The following ICAM1 variants were observed in gnomAD, a reference collection of about 807,000 sequenced individuals.
ICAM1 encodes ICAM-1.
Under a neutral mutation model 42.3 loss-of-function variants are expected in ICAM1, and 28 were observed. The observed-to-expected ratio is 0.66, with a 90% CI of 0.49 to 0.91. The LOEUF is 0.91. Among genes scored for constraint, ICAM1 ranks in the 40% least tolerant of loss-of-function variants. ICAM1 has a pLI of 0.00. For missense variants in ICAM1, 637 were observed against 688.6 expected (o/e 0.93, Z 0.84); for synonymous variants, 304 against 305.9 (o/e 0.99, Z 0.07).
rs750681772 is a variant in ICAM1, at chr19:10,284,133, G to C, written c.738G>C (p.Ser246=). Residue 246 remains serine (S), a synonymous_variant, in exon 4 of 7, where the codon TCG becomes TCC. Coordinates refer to ENST00000264832, the MANE Select transcript of ICAM1 (RefSeq NM_000201.3). The surrounding 1 kb of genome is among the most constrained non-coding windows in gnomAD (Gnocchi z 5.4). The part of the protein sequence containing the change: ...VCSLDGLFPV[S]EAQVHLALGD... ...CCCTGGACGGGCTGTTCCCAGTCTC[G>C]GAGGCCCAGGTCCACCTGGCACTGG... 1 of 1,614,066 alleles carries C rather than the reference G, an allele frequency of 6.2e-7. No individual in the cohort carries two copies. Among genetic ancestry groups the C allele is most frequent in the East Asian group, 2.2e-5 (1 of 44,878 alleles).
Position 10,285,285 on chromosome 19 carries a change from T to C in ICAM1, c.1597T>C (p.Ter533ArgextTer70). ...ACCGAACACACAAGCCACGCCTCCC[T>C]GAACCTATCCCGGGACAGGGCCTCT... ...MKPNTQATPP[*>R] The change falls in exon 7 of 7, where the codon TGA becomes CGA. Residue 533 changes from the stop codon to arginine (R), a stop_lost. Transcript: ENST00000264832. 1.2e-6 allele frequency: 2 copies of C among 1,613,560 alleles called. No individual in the cohort carries two copies.
At position 10,276,024 on chromosome 19, in the gene ICAM1, C is replaced by T. The variant is rs192905975; in HGVS notation, c.331+996C>T. 4.0e-3 allele frequency among the ~76,000 whole-genome samples: 603 copies of T among 150,242 alleles called. 5 individuals carry two copies. Among genetic ancestry groups the T allele is most frequent in the African/African-American group, 0.014 (572 of 40,996 alleles). Reference sequence around the variant, plus strand: ...TGCCCATCCAAGACCCTGTTTCTACCGGAAAAAAAAAGTAAATAATTTAGC... The same window carrying T: ...TGCCCATCCAAGACCCTGTTTCTACTGGAAAAAAAAAGTAAATAATTTAGC... On this transcript the variant is annotated intron_variant, in intron 2 of 6. Transcript: ENST00000264832.
In ICAM1 at chr19:10,285,216, A is replaced by G. The variant is rs771141539; in HGVS notation, c.1528A>G (p.Lys510Glu). The G allele has an allele frequency of 3.1e-6, 5 of 1,614,182 alleles. No individual in the cohort carries two copies. The South Asian group carries it at 4.4e-5, about 14-fold the overall frequency. ...TYLYNRQRKI[K>E]KYRLQQAQKG... Reference sequence around the variant, plus strand: ...CCTCTATAACCGCCAGCGGAAGATCAAGAAATACAGACTACAACAGGCCCA... The same window carrying G: ...CCTCTATAACCGCCAGCGGAAGATCGAGAAATACAGACTACAACAGGCCCA... Residue 510 changes from lysine to glutamate, a missense_variant, in exon 7 of 7, where the codon AAG becomes GAG. Transcript: ENST00000264832.
intron 2 of ICAM1, among the ~76,000 whole-genome samples, chr19:10,281,460 T>G (rs1203056669): frequency 2.6e-5 from 4 of 152,060 alleles, no homozygotes; most frequent in East Asian, 3.9e-4. Context: ...ACCATAAGAT[T>G]CATCCCTTTT....
rs1371251341 is a variant in ICAM1 at position 10,274,921 on chromosome 19, A to T, written c.224A>T (p.Asn75Ile). Residue 75 changes from asparagine to isoleucine, a missense_variant, in exon 2 of 7, where the codon AAC becomes ATC. Coordinates refer to ENST00000264832, the MANE Select transcript of ICAM1 (RefSeq NM_000201.3). ...AAGGAGTTGCTCCTGCCTGGGAACA[A>T]CCGGAAGGTGTATGAACTGAGCAAT... ...PKKELLLPGN[N>I]RKVYELSNVQ... is the part of the protein sequence containing the mutation. 1 of 1,614,128 alleles carries T rather than the reference A, an allele frequency of 6.2e-7. No homozygotes were observed. Among genetic ancestry groups the T allele is most frequent in the South Asian group, 1.1e-5 (1 of 91,094 alleles).
Position 10,284,038 on chromosome 19 carries a change from C to G in ICAM1, c.643C>G (p.Pro215Ala). 2 of 1,612,752 alleles carry G rather than the reference C, an allele frequency of 1.2e-6. No individual in the cohort carries two copies. Among genetic ancestry groups the G allele is most frequent in the Non-Finnish European group, 1.7e-6 (2 of 1,179,022 alleles). The stretch of plus-strand genomic sequence containing the variant: ...CACCTTTCTTCTCTCCCTAGTCCTG[C>G]CAGCGACTCCCCCACAACTTGTCAG... The part of the protein sequence containing the change: ...APYQLQTFVL[P>A]ATPPQLVSPR... The change falls in exon 4 of 7, where the codon CCA becomes GCA. Residue 215 changes from proline to alanine, a missense_variant. Transcript: ENST00000264832. This position sits in a 1 kb window ranked among gnomAD's most constrained non-coding sequence, Gnocchi z 5.4.
intron 2 of ICAM1, among the ~76,000 whole-genome samples, chr19:10,278,548 C>CTTTGTT (rs2040032389): frequency 4.8e-5 from 2 of 41,746 alleles, no homozygotes; most frequent in Non-Finnish European, 8.4e-5. Context: ...CCTGATAGGT[C>CTTTGTT]TTTTTTTTTT....
rs558151803 is a variant in ICAM1, at chr19:10,277,802, G to A, written c.331+2774G>A. Among the ~76,000 whole-genome samples, 82 of 152,276 alleles carry A rather than the reference G, an allele frequency of 5.4e-4. 1 individual carries two copies. The highest frequency in any genetic ancestry group is 1.9e-3 in the African/African-American group (77 of 41,558). On this transcript the variant is annotated intron_variant, in intron 2 of 6. Transcript: ENST00000264832. ...CCCCCAGCCGAGAATTTCTCTTTGC[G>A]TCCTTCCTACTTTGGGGACTTCGAA...
chr19:10,272,560 C>CTTTTTTTT (rs1174775027), intron 1 of ICAM1, among the ~76,000 whole-genome samples: 23 of 56,128 alleles, frequency 4.1e-4, no homozygotes, highest in African/African-American at 8.3e-4. Flanking sequence ...CTTTTCTTTT[C>CTTTTTTTT]TTTTTTTTTT....
chr19:10,278,555 TTTTTTTTTTTTTTTTTC>T lies in ICAM1; in HGVS notation c.331+3536_331+3552del, dbSNP rs1238454314. 2.9e-4 allele frequency among the ~76,000 whole-genome samples: 25 copies of T among 85,876 alleles called. No homozygotes were observed. The East Asian group carries it at 6.1e-3, about 21-fold the overall frequency. 56.3% of individuals were successfully genotyped at this position (85,876 alleles called of 152,430 possible). On this transcript the variant is annotated intron_variant, in intron 2 of 6. Coordinates refer to ENST00000264832, the MANE Select transcript of ICAM1 (RefSeq NM_000201.3). The stretch of plus-strand genomic sequence containing the variant: ...CATCTCTGCCTGATAGGTCTTTTTT[TTTTTTTTTTTTTTTTTC>T]TTTTTTTTGACACACAGTCTTGCTC...
In ICAM1 at chr19:10,280,372, G is replaced by A. The variant is rs1254074977; in HGVS notation, c.332-3109G>A. On this transcript the variant is annotated intron_variant, in intron 2 of 6. Transcript: ENST00000264832. The stretch of plus-strand genomic sequence containing the variant: ...GTTTTTAACAGCTTAACAGCTTTCT[G>A]TTTTATTTTTAGAGACAGGGTCTCA... Among the ~76,000 whole-genome samples, 5 of 152,014 alleles carry A rather than the reference G, an allele frequency of 3.3e-5. No individual in the cohort carries two copies. In the East Asian group the frequency reaches 9.6e-4, roughly 29 times the overall value.
intron 2 of ICAM1, among the ~76,000 whole-genome samples, chr19:10,280,263 G>T (rs892406468): frequency 6.6e-6 from 1 of 152,210 alleles, no homozygotes; most frequent in African/African-American, 2.4e-5. Flanking sequence ...CTCAAGTTCT[G>T]CAAGAGTCTA....
rs1432261188 is a variant in ICAM1 at position 10,285,246 on chromosome 19, G to A, written c.1558G>A (p.Gly520Arg). The change falls in exon 7 of 7, where the codon GGG (glycine) becomes AGG (arginine). Residue 520 changes from glycine (G) to arginine (R), a missense_variant. Gly to Arg is a moderately radical substitution (Grantham distance 125). Coordinates refer to ENST00000264832, the MANE Select transcript of ICAM1 (RefSeq NM_000201.3). Reference protein sequence around the residue: ...KKYRLQQAQKGTPMKPNTQAT... With the variant: ...KKYRLQQAQKRTPMKPNTQAT... ...ATACAGACTACAACAGGCCCAAAAA[G>A]GGACCCCCATGAAACCGAACACACA... 6.2e-7 allele frequency: 1 copy of A among 1,614,122 alleles called. No homozygotes were observed. Among genetic ancestry groups the A allele is most frequent in the South Asian group, 1.1e-5 (1 of 91,078 alleles).
At chr19:10,277,419 T>A (rs2040025410) in intron 2 of ICAM1, among the ~76,000 whole-genome samples, 1 of 152,098 alleles carries the variant, frequency 6.6e-6, no homozygotes, top group South Asian at 2.1e-4. Context: ...CCTCAGGTGA[T>A]CCGCCCGCCT....
intron 1 of ICAM1, 62 bp downstream of exon 1, chr19:10,271,288 C>A: frequency 6.8e-7 from 1 of 1,466,250 alleles, no homozygotes; most frequent in East Asian, 2.3e-5. Context: ...GACCGGCTCC[C>A]GGGTCAGGTC....
Position 10,283,692 on chromosome 19 carries a change from A to G in ICAM1, c.543A>G (p.Gly181=). 1 of 1,613,962 alleles carries G rather than the reference A, an allele frequency of 6.2e-7. No homozygotes were observed. The highest frequency in any genetic ancestry group is 8.5e-7 in the Non-Finnish European group (1 of 1,179,948). The stretch of plus-strand genomic sequence containing the variant: ...TGCTGGTGAGGAGAGATCACCATGG[A>G]GCCAATTTCTCGTGCCGCACTGAAC... ...TTVLVRRDHH[G]ANFSCRTELD... The change falls in exon 3 of 7, where the codon GGA becomes GGG. Residue 181 remains glycine (G), a synonymous_variant. Coordinates refer to ENST00000264832, the MANE Select transcript of ICAM1 (RefSeq NM_000201.3).
In ICAM1 at chr19:10,277,500, TC is replaced by T. The variant is rs377219920; in HGVS notation, c.331+2473del. Among the ~76,000 whole-genome samples, 28 of 151,444 alleles carry T rather than the reference TC, an allele frequency of 1.8e-4. No homozygotes were observed. The East Asian group carries it at 4.5e-3, about 24-fold the overall frequency. On this transcript the variant is annotated intron_variant, in intron 2 of 6. Coordinates refer to ENST00000264832, the MANE Select transcript of ICAM1 (RefSeq NM_000201.3). ...GCTGAGAATTCTTTTTTTGTTGTTGTCTTTTTGAGATGGAGTTTTGCTGTGT... is the reference window on the plus strand; with the variant it reads ...GCTGAGAATTCTTTTTTTGTTGTTGTTTTTTGAGATGGAGTTTTGCTGTGT...
chr19:10,284,835 A>T lies in ICAM1; in HGVS notation c.1233A>T (p.Glu411Asp). 6.3e-7 allele frequency: 1 copy of T among 1,595,704 alleles called. No homozygotes were observed. The change falls in exon 6 of 7, where the codon GAA (glutamate) becomes GAT (aspartate). Residue 411 changes from glutamate to aspartate, a missense_variant. Physicochemically the swap from Glu to Asp is conservative, Grantham distance 45. Coordinates refer to ENST00000264832, the MANE Select transcript of ICAM1 (RefSeq NM_000201.3). This position sits in a 1 kb window ranked among gnomAD's most constrained non-coding sequence, Gnocchi z 5.4. ...RDCPGNWTWP[E>D]NSQQTPMCQA... ...GTCCGGGAAACTGGACGTGGCCAGA[A>T]AATTCCCAGCAGACTCCAATGTGCC...
Position 10,283,771 on chromosome 19 carries a change from C to T in ICAM1, c.622C>T (p.Gln208Ter). The part of the protein sequence containing the change: ...ELFENTSAPY[Q>*]LQTFVLPATP... ...GTTTGAGAACACCTCGGCCCCCTAC[C>T]AGCTCCAGACCTTTGGTGAGGATTG... The change falls in exon 3 of 7, where the codon CAG becomes TAG. Residue 208 changes from glutamine to a stop codon, truncating the protein, a stop_gained. Transcript: ENST00000264832. LOFTEE classifies it high-confidence loss of function. 1 of 1,606,414 alleles carries T rather than the reference C, an allele frequency of 6.2e-7. No individual in the cohort carries two copies. The highest frequency in any genetic ancestry group is 1.1e-5 in the South Asian group (1 of 90,558).
Sources: gnomAD v4.1 joint callset for allele counts (sites outside exome capture counted in the v4.1 genomes callset) on GRCh38, gnomAD v4.1.1 for gene constraint, Gnocchi (gnomAD v3.1) non-coding constraint, MANE v1.5 for transcripts, NCBI Gene and HGNC (gene_info 2026-07-23, HGNC 2026-07-21) for gene names.